Variants in SAMSN1 observed in about 807,000 individuals in gnomAD.
SAMSN1 encodes the protein SAM domain-containing protein SAMSN-1.
SAMSN1 carries 31 observed loss-of-function variants against 42.0 expected under a neutral mutation model. That is an observed-to-expected ratio of 0.74 (90% confidence interval 0.55 to 1.00). The LOEUF (loss-of-function observed/expected upper bound fraction) is 1.00, where lower values mean the gene tolerates loss of function less well. SAMSN1 is among the 50% of genes least tolerant of loss of function. SAMSN1 has a pLI of 0.00. For missense variants in SAMSN1, 464 were observed against 439.4 expected (o/e 1.06, Z -0.50); for synonymous variants, 178 against 151.9 (o/e 1.17, Z -1.26).
At chr21:14,581,187 A>G (rs1438840751) in intron 2 of SAMSN1, among the ~76,000 whole-genome samples, 1 of 151,782 alleles carries the variant, frequency 6.6e-6, no homozygotes, top group Non-Finnish European at 1.5e-5. Flanking sequence ...TATGGAAAAC[A>G]CTCTAATGTA....
chr21:14,521,236 A>G lies in SAMSN1; in HGVS notation c.58-15T>C. On this transcript the variant is annotated splice_polypyrimidine_tract_variant and intron_variant, in intron 1 of 7. Coordinates refer to ENST00000400566, the MANE Select transcript of SAMSN1 (RefSeq NM_022136.5). The stretch of plus-strand genomic sequence containing the variant: ...CTGCTGCTTCGCTATAAAATAGAAA[A>G]GAAAAAGCAAAGGAAACTTAGAATT... 6.3e-7 allele frequency: 1 copy of G among 1,590,750 alleles called. No individual in the cohort carries two copies. The highest frequency in any genetic ancestry group is 8.6e-7 in the Non-Finnish European group (1 of 1,162,830).
At chr21:14,586,700 A>T (rs1981929062), upstream of SAMSN1, among the ~76,000 whole-genome samples, 1 of 152,214 alleles carries the variant, frequency 6.6e-6, no homozygotes, top group Non-Finnish European at 1.5e-5. Context: ...GGGTTTATTA[A>T]TATACTGATC....
intron 2 of SAMSN1, among the ~76,000 whole-genome samples, chr21:14,624,988 A>C (rs1983124823): frequency 6.6e-6 from 1 of 152,182 alleles, no homozygotes; most frequent in Non-Finnish European, 1.5e-5. Context: ...TGAGTCAATA[A>C]ACATAATCCA....
chr21:14,547,389 A>G (rs1211725806), upstream of SAMSN1, among the ~76,000 whole-genome samples: 1 of 152,234 alleles, frequency 6.6e-6, no homozygotes, highest in Non-Finnish European at 1.5e-5. Flanking sequence ...ATGACTTATT[A>G]AGAGTTTCCC....
intron 6 of SAMSN1, among the ~76,000 whole-genome samples, chr21:14,598,582 C>T (rs892170373): frequency 4.8e-4 from 73 of 152,270 alleles, no homozygotes; most frequent in South Asian, 1.4e-3. Context: ...CAGAAATATA[C>T]GTGGGGCAAA....
upstream of SAMSN1, among the ~76,000 whole-genome samples, chr21:14,586,814 A>G (rs1981933154): frequency 6.6e-6 from 1 of 152,242 alleles, no homozygotes; most frequent in Non-Finnish European, 1.5e-5. Flanking sequence ...GATGGTCAGA[A>G]AGAATATTTC....
chr21:14,583,719 T>A, upstream of SAMSN1: 1 of 717,770 alleles, frequency 1.4e-6, no homozygotes, highest in Non-Finnish European at 2.6e-6. Context: ...CAAACCAGTT[T>A]CTGTAGTCGC....
chr21:14,642,981 T>A (rs750917194), intron 2 of SAMSN1: 1 of 715,732 alleles, frequency 1.4e-6, no homozygotes, highest in South Asian at 1.5e-5. Flanking sequence ...AAAAATCCAC[T>A]CCAGTCAATG....
chr21:14,548,954 T>C (rs1024941182), upstream of SAMSN1, among the ~76,000 whole-genome samples: 1 of 152,118 alleles, frequency 6.6e-6, no homozygotes, highest in Non-Finnish European at 1.5e-5. Flanking sequence ...AATAGGGAAA[T>C]TGCAAAAGCA....
At chr21:14,493,663 G>T (rs1475221998) in intron 7 of SAMSN1, among the ~76,000 whole-genome samples, 1 of 151,516 alleles carries the variant, frequency 6.6e-6, no homozygotes, top group East Asian at 1.9e-4. Flanking sequence ...CAAAGTAAAT[G>T]AAACATTTTT....
chr21:14,642,983 C>A (rs757643891), intron 2 of SAMSN1: 18 of 715,392 alleles, frequency 2.5e-5, no homozygotes, highest in Admixed American at 8.0e-5. Flanking sequence ...AAATCCACTC[C>A]AGTCAATGCT....
chr21:14,620,612 A>G (rs1299843762), intron 2 of SAMSN1, among the ~76,000 whole-genome samples: 1 of 152,176 alleles, frequency 6.6e-6, no homozygotes, highest in Non-Finnish European at 1.5e-5. Context: ...ATTGTTTTAG[A>G]TGCAAAAAAG....
intron 5 of SAMSN1, among the ~76,000 whole-genome samples, chr21:14,507,837 G>C (rs1266200985): frequency 7.9e-6 from 1 of 126,190 alleles, no homozygotes; most frequent in South Asian, 2.6e-4. Flanking sequence ...CATGGTACTG[G>C]TAAAAAAAAA....
At chr21:14,527,412 C>T (rs867621298) in intron 1 of SAMSN1, among the ~76,000 whole-genome samples, 3 of 152,154 alleles carry the variant, frequency 2.0e-5, no homozygotes, top group Non-Finnish European at 4.4e-5. Flanking sequence ...AGGAAACTGA[C>T]GGCTAAAAGA....
intron 2 of SAMSN1, among the ~76,000 whole-genome samples, chr21:14,628,732 C>A (rs1228296537): frequency 6.6e-6 from 1 of 152,110 alleles, no homozygotes; most frequent in Non-Finnish European, 1.5e-5. Flanking sequence ...AGTTAAAAAG[C>A]AAGTTACTAA....
chr21:14,587,350 T>C (rs1419114129), upstream of SAMSN1, among the ~76,000 whole-genome samples: 3 of 152,228 alleles, frequency 2.0e-5, no homozygotes, highest in Non-Finnish European at 4.4e-5. Flanking sequence ...TTTGATCTAA[T>C]GAGCCATTCT....
rs377428221 is a variant in SAMSN1 at position 14,516,978 on chromosome 21, C to T, written c.193G>A (p.Gly65Ser). Reference protein sequence around the residue: ...EQSKTSNNGGGLGKKMRAISW... With the variant: ...EQSKTSNNGGSLGKKMRAISW... The stretch of plus-strand genomic sequence containing the variant: ...ATAGCTCTCATTTTTTTACCCAAAC[C>T]GCCTCCATTATTTGAAGTTTTACTT... The change falls in exon 3 of 8, where the codon GGT becomes AGT. Residue 65 changes from glycine (G) to serine (S), a missense_variant. Coordinates refer to ENST00000400566, the MANE Select transcript of SAMSN1 (RefSeq NM_022136.5). 3.7e-5 allele frequency: 59 copies of T among 1,612,900 alleles called. No individual in the cohort carries two copies. The highest frequency in any genetic ancestry group is 1.3e-4 in the African/African-American group (10 of 74,836).
intron 2 of SAMSN1, among the ~76,000 whole-genome samples, chr21:14,564,292 T>G (rs866670088): frequency 3.3e-5 from 5 of 152,288 alleles, no homozygotes; most frequent in Middle Eastern, 6.8e-3. Context: ...CTCAGTCTCA[T>G]TCATTATTAA....
At chr21:14,542,237 G>T (rs767754255) in intron 1 of SAMSN1, among the ~76,000 whole-genome samples, 67 of 152,126 alleles carry the variant, frequency 4.4e-4, no homozygotes, top group Non-Finnish European at 2.8e-4. Flanking sequence ...CTACAGTCCT[G>T]TTGCTTATAA....
Sources: gnomAD v4.1 joint callset for allele counts (sites outside exome capture counted in the v4.1 genomes callset) on GRCh38, gnomAD v4.1.1 for gene constraint, MANE v1.5 for transcripts, NCBI Gene and HGNC (gene_info 2026-07-23, HGNC 2026-07-21) for gene names.